DNAJA1: variants seen among roughly 807,000 people sequenced by gnomAD.
The protein encoded by DNAJA1 is DnaJ heat shock protein family (Hsp40) member A1.
A neutral mutation model predicts 47.6 loss-of-function variants in DNAJA1; 26 were observed. That is an observed-to-expected ratio of 0.55 (90% CI 0.40 to 0.76). The LOEUF (loss-of-function observed/expected upper bound fraction) is 0.76, where lower values mean the gene tolerates loss of function less well. DNAJA1 is among the 30% of genes least tolerant of loss of function. The probability of loss-of-function intolerance (pLI) is 0.00; values close to 1 mark genes in which losing one functional copy is unlikely to be tolerated. For synonymous variants in DNAJA1, 165 were observed against 158.4 expected (o/e 1.04, Z -0.31); for missense variants, 315 against 485.0 (o/e 0.65, Z 3.29).
chr9:33,035,037 CT>C lies in DNAJA1; in HGVS notation c.758+726del, dbSNP rs11371852. On this transcript the variant is annotated intron_variant, in intron 6 of 8. Transcript: ENST00000330899. ...AGCCTGGGTGACAGTAAGAACCCAC[CT>C]TTTTTTTTTTTTTTTTTTAATGGAG... Among the ~76,000 whole-genome samples, 671 of 113,856 alleles carry C rather than the reference CT, an allele frequency of 5.9e-3. 5 individuals carry two copies. The highest frequency in any genetic ancestry group is 0.017 in the East Asian group (77 of 4,440). 74.7% of individuals were successfully genotyped at this position (113,856 alleles called of 152,430 possible).
At chr9:33,028,596 A>T (rs1267276546) in intron 3 of DNAJA1, among the ~76,000 whole-genome samples, 1 of 152,204 alleles carries the variant, frequency 6.6e-6, no homozygotes, top group Non-Finnish European at 1.5e-5. Context: ...AATCCAAATG[A>T]CTTGCTTAGT....
At position 33,028,921 on chromosome 9, in the gene DNAJA1, C is replaced by T. The variant is rs149304091; in HGVS notation, c.311-964C>T. On this transcript the variant is annotated intron_variant, in intron 3 of 8. Transcript: ENST00000330899. ...GTTCATTAGGCATATTGTACAGAAA[C>T]GAGTTTGAGAACTTTTTTCAGTTGG... 4.1e-3 allele frequency among the ~76,000 whole-genome samples: 627 copies of T among 152,268 alleles called. 6 individuals carry two copies. Among genetic ancestry groups the T allele is most frequent in the African/African-American group, 0.014 (599 of 41,564 alleles).
At position 33,026,607 on chromosome 9, in the gene DNAJA1, A is replaced by G. The variant is rs768992540; in HGVS notation, c.123A>G (p.Glu41=). ...LKYHPDKNPN[E]GEKFKQISQA... is the part of the protein sequence containing the mutation. Reference sequence around the variant, plus strand: ...ACCATCCTGATAAGAACCCAAATGAAGGAGAGAAGGTGAATAGTATCTACT... The same window carrying G: ...ACCATCCTGATAAGAACCCAAATGAGGGAGAGAAGGTGAATAGTATCTACT... Residue 41 remains glutamate (E), a synonymous_variant, in exon 2 of 9, where the codon GAA becomes GAG. Transcript: ENST00000330899. 6.2e-7 allele frequency: 1 copy of G among 1,603,526 alleles called. No individual in the cohort carries two copies. The highest frequency in any genetic ancestry group is 1.1e-5 in the South Asian group (1 of 88,444).
At chr9:33,031,586 C>T (rs1316823985) in intron 5 of DNAJA1, among the ~76,000 whole-genome samples, 1 of 151,970 alleles carries the variant, frequency 6.6e-6, no homozygotes, top group Non-Finnish European at 1.5e-5. Flanking sequence ...TGTGCACCAC[C>T]ACACCTGGCT....
At position 33,036,670 on chromosome 9, in the gene DNAJA1, C is replaced by T. The variant is rs745398528; in HGVS notation, c.855C>T (p.Ile285=). The T allele has an allele frequency of 1.7e-5, 27 of 1,613,252 alleles. No individual in the cohort carries two copies. In the East Asian group the frequency reaches 5.6e-4, roughly 33 times the overall value. The part of the protein sequence containing the change: ...KPISTLDNRT[I]VITSHPGQIV... ...TATCTACTCTTGACAACCGAACCATCGTCATCACCTCTCATCCAGGTATGG... is the reference window on the plus strand; with the variant it reads ...TATCTACTCTTGACAACCGAACCATTGTCATCACCTCTCATCCAGGTATGG... The change falls in exon 7 of 9, where the codon ATC becomes ATT. Residue 285 remains isoleucine, a synonymous_variant. Transcript: ENST00000330899.
chr9:33,028,216 A>G (rs545995119), intron 3 of DNAJA1, among the ~76,000 whole-genome samples: 5 of 152,294 alleles, frequency 3.3e-5, no homozygotes, highest in East Asian at 3.9e-4. Flanking sequence ...TAGCAAGCCA[A>G]CAGAGCCAGG....
At chr9:33,036,932 A>T in intron 7 of DNAJA1, 83 bp from the exon 8 acceptor site, 1 of 1,257,750 alleles carries the variant, frequency 8.0e-7, no homozygotes, top group Non-Finnish European at 1.1e-6. Flanking sequence ...CCAATGAGCT[A>T]GGACAGTGCT....
intron 3 of DNAJA1, 84 bp downstream of exon 3, chr9:33,027,074 G>C: frequency 1.3e-6 from 2 of 1,513,892 alleles, no homozygotes. Flanking sequence ...CATTTTAAAT[G>C]CTTGTTTACA....
chr9:33,026,393 A>G, intron 1 of DNAJA1, 82 bp from the exon 2 acceptor site: 2 of 1,478,426 alleles, frequency 1.4e-6, no homozygotes, highest in Non-Finnish European at 9.0e-7. Context: ...GGATTTTGCA[A>G]AGAGATTGCT....
intron 8 of DNAJA1, chr9:33,037,330 AAATT>A: frequency 2.9e-6 from 1 of 343,900 alleles, no homozygotes; most frequent in Non-Finnish European, 5.4e-6. Context: ...AAAAAAAAAA[AAATT>A]AAAATTTCTG....
chr9:33,036,903 C>T, intron 7 of DNAJA1, 112 bp from the exon 8 acceptor site: 3 of 1,000,540 alleles, frequency 3.0e-6, no homozygotes, highest in Non-Finnish European at 4.4e-6. Flanking sequence ...ATTGCTTTGC[C>T]ACGTAAGTTT....
At chr9:33,027,397 A>G (rs1838890506) in intron 3 of DNAJA1, among the ~76,000 whole-genome samples, 2 of 151,846 alleles carry the variant, frequency 1.3e-5, no homozygotes, top group South Asian at 4.2e-4. Flanking sequence ...TCAGGTGGTG[A>G]TCCACCTGCC....
intron 8 of DNAJA1, 194 bp downstream of exon 8, chr9:33,037,309 TAAAAAAACA>T (rs1303384744): frequency 1.4e-4 from 43 of 308,732 alleles, no homozygotes; most frequent in African/African-American, 9.2e-4. Flanking sequence ...CCTGTCTCTT[TAAAAAAACA>T]AAAAAAAAAA....
chr9:33,030,407 T>C (rs759202732), intron 4 of DNAJA1, 33 bp from the exon 5 acceptor site: 1 of 1,573,280 alleles, frequency 6.4e-7, no homozygotes, highest in Non-Finnish European at 8.7e-7. Flanking sequence ...CACTACTAAT[T>C]CATACATTAT....
chr9:33,026,900 G>C lies in DNAJA1; in HGVS notation c.220G>C (p.Glu74Gln). ...CAAAGGAGGAGAACAGGCAATTAAA[G>C]AGGGTGGAGCAGGTGGCGGTTTTGG... ...YDKGGEQAIK[E>Q]GGAGGGFGSP... Residue 74 changes from glutamate (E) to glutamine (Q), a missense_variant, in exon 3 of 9, where the codon GAG (glutamate) becomes CAG (glutamine). By Grantham distance (29) the Glu-to-Gln change is conservative (BLOSUM62 2). Transcript: ENST00000330899. 1 of 1,614,204 alleles carries C rather than the reference G, an allele frequency of 6.2e-7. No homozygotes were observed. Among genetic ancestry groups the C allele is most frequent in the East Asian group, 2.2e-5 (1 of 44,886 alleles).
rs374442459 is a variant in DNAJA1 at position 33,031,749 on chromosome 9, C to T, written c.643+1082C>T. Among the ~76,000 whole-genome samples, 288 of 152,212 alleles carry T rather than the reference C, an allele frequency of 1.9e-3. 2 individuals are homozygous for T. The highest frequency in any genetic ancestry group is 6.2e-3 in the African/African-American group (258 of 41,534). ...CCTGGCCTGGGCTAGTTTAAATAAGCGTATTGGCCCACTTAATTGGCTTAC... is the reference window on the plus strand; with the variant it reads ...CCTGGCCTGGGCTAGTTTAAATAAGTGTATTGGCCCACTTAATTGGCTTAC... On this transcript the variant is annotated intron_variant, in intron 5 of 8. Coordinates refer to ENST00000330899, the MANE Select transcript of DNAJA1 (RefSeq NM_001539.4).
rs529924885 is a variant in DNAJA1, at chr9:33,039,709, T to C, written c.*806T>C. On this transcript the variant is annotated 3_prime_UTR_variant, in exon 9 of 9. Coordinates refer to ENST00000330899, the MANE Select transcript of DNAJA1 (RefSeq NM_001539.4). The stretch of plus-strand genomic sequence containing the variant: ...ATGCGTAATATAGGAAGGTGTTCTT[T>C]AGGTATGTTACAGGATTACTTTAAA... The C allele has an allele frequency of 1.3e-5, 2 of 152,008 alleles. No individual in the cohort carries two copies. The highest frequency in any genetic ancestry group is 1.9e-4 in the East Asian group (1 of 5,184). 9.4% of individuals were successfully genotyped at this position (152,008 alleles called of 1,614,324 possible).
chr9:33,039,871 T>C lies in DNAJA1; in HGVS notation c.*968T>C, dbSNP rs1839094448. ...GAATTTAAGCAATTCTTGAAATGTA[T>C]TGTCTCCTTAATATACTAATTACAA... On this transcript the variant is annotated 3_prime_UTR_variant, in exon 9 of 9. Coordinates refer to ENST00000330899, the MANE Select transcript of DNAJA1 (RefSeq NM_001539.4). 1 of 152,164 alleles carries C rather than the reference T, an allele frequency of 6.6e-6. No individual in the cohort carries two copies. The highest frequency in any genetic ancestry group is 2.1e-4 in the South Asian group (1 of 4,832). The allele number at this position is 152,164 out of a possible 1,614,324, so 9.4% of individuals were successfully genotyped here.
At chr9:33,034,864 AC>A (rs1839010162) in intron 6 of DNAJA1, among the ~76,000 whole-genome samples, 1 of 152,000 alleles carries the variant, frequency 6.6e-6, no homozygotes, top group Non-Finnish European at 1.5e-5. Context: ...CTAACATAAC[AC>A]CCTCTGTGCA....
Sources: allele counts gnomAD v4.1 joint callset (sites outside exome capture counted in the v4.1 genomes callset), GRCh38; gene constraint gnomAD v4.1.1; transcripts MANE v1.5; gene names NCBI Gene and HGNC (gene_info 2026-07-23, HGNC 2026-07-21).